The following DNAH9 variants were observed in gnomAD, a reference collection of about 807,000 sequenced individuals.
DNAH9 encodes DNAH9 variant protein.
A neutral mutation model predicts 471.6 loss-of-function variants in DNAH9; 345 were observed. That is an observed-to-expected ratio of 0.73 (90% CI 0.67 to 0.80). DNAH9 has a LOEUF of 0.80. DNAH9 is among the 30% of genes least tolerant of loss of function. The pLI is 0.00. For synonymous variants in DNAH9, 2,093 were observed against 2,123.6 expected, an observed-to-expected ratio of 0.99 and a Z score of 0.40; for missense variants, 5,407 against 5,609.2, an observed-to-expected ratio of 0.96 and a Z score of 1.15.
In DNAH9 at chr17:11,846,807, T is replaced by C. The variant is rs1328642231; in HGVS notation, c.9508-7196T>C. Among the ~76,000 whole-genome samples the C allele has an allele frequency of 6.5e-5, 9 of 139,476 alleles. No homozygotes were observed. The Admixed American group carries it at 6.7e-4, about 10-fold the overall frequency. The allele number at this position is 139,476 out of a possible 152,430, so 91.5% of individuals were successfully genotyped here. On this transcript the variant is annotated intron_variant, in intron 49 of 68. Coordinates refer to ENST00000262442, the MANE Select transcript of DNAH9 (RefSeq NM_001372.4). ...CACTCATGATTTGGCTCTCTGTTTG[T>C]CTGTTATTGGTGTATAAGAATGCTT...
rs2072304435 is a variant in DNAH9 at position 11,598,490 on chromosome 17, CCG to C, written c.-2_-1del. 10 of 1,365,248 alleles carry C rather than the reference CCG, an allele frequency of 7.3e-6. No homozygotes were observed. Among genetic ancestry groups the C allele is most frequent in the Admixed American group, 3.9e-5 (1 of 25,364 alleles). The allele number at this position is 1,365,248 out of a possible 1,614,324, so 84.6% of individuals were successfully genotyped here. A position where few individuals can be genotyped will look rare whatever the true frequency, so the allele number is the denominator to read the frequency against. On this transcript the variant is annotated 5_prime_UTR_variant, in exon 1 of 69. Transcript: ENST00000262442. ...CTAGGGAAACCGATGCAGCTGGAGGCCGCGCGCGATGCGGCTCGCGGAGGAGC... is the reference window on the plus strand; with the variant it reads ...CTAGGGAAACCGATGCAGCTGGAGGCCGCGCGATGCGGCTCGCGGAGGAGC...
intron 19 of DNAH9, among the ~76,000 whole-genome samples, chr17:11,685,728 T>A (rs906731321): frequency 6.6e-6 from 1 of 152,140 alleles, no homozygotes; most frequent in Non-Finnish European, 1.5e-5. Flanking sequence ...GAAGAGCTTT[T>A]ATCCCACTGT....
In DNAH9 at chr17:11,670,675, C is replaced by T. The variant is rs545940817; in HGVS notation, c.3353+881C>T. Among the ~76,000 whole-genome samples the T allele has an allele frequency of 1.3e-4, 20 of 151,840 alleles. No individual in the cohort carries two copies. In the South Asian group the frequency reaches 4.2e-3, roughly 32 times the overall value. ...ATTTTCCAAGGGTAATGTTCAACCACCCTAGGAAACCCCAAGAACGCTTTG... is the reference window on the plus strand; with the variant it reads ...ATTTTCCAAGGGTAATGTTCAACCATCCTAGGAAACCCCAAGAACGCTTTG... On this transcript the variant is annotated intron_variant, in intron 17 of 68. Coordinates refer to ENST00000262442, the MANE Select transcript of DNAH9 (RefSeq NM_001372.4).
At chr17:11,715,264 A>G (rs1234835592) in intron 26 of DNAH9, among the ~76,000 whole-genome samples, 1 of 152,196 alleles carries the variant, frequency 6.6e-6, no homozygotes, top group East Asian at 1.9e-4. Context: ...TCGGTTTCCT[A>G]CTTTTCAAGG....
At position 11,704,277 on chromosome 17, in the gene DNAH9, T is replaced by C. The variant is rs756762985; in HGVS notation, c.5226T>C (p.Tyr1742=). 6.2e-7 allele frequency: 1 copy of C among 1,614,152 alleles called. No individual in the cohort carries two copies. The highest frequency in any genetic ancestry group is 1.1e-5 in the South Asian group (1 of 91,084). ...CATTTGCCAGGCTGGAGGAAGGCTA[T>C]GAGAGTGCCATGAAGGACTATTATA... is the stretch of plus-strand genomic sequence containing the variant. ...GMAFARLEEG[Y]ESAMKDYYKK... The change falls in exon 25 of 69, where the codon TAT becomes TAC. Residue 1742 remains tyrosine (Y), a synonymous_variant. Coordinates refer to ENST00000262442, the MANE Select transcript of DNAH9 (RefSeq NM_001372.4).
At chr17:11,823,153 A>G in intron 48 of DNAH9, 119 bp downstream of exon 48, 2 of 832,802 alleles carry the variant, frequency 2.4e-6, no homozygotes, top group South Asian at 3.6e-5. Flanking sequence ...TTTTCCAGAG[A>G]CTCCCATGTC....
intron 32 of DNAH9, among the ~76,000 whole-genome samples, chr17:11,748,845 C>T (rs1567771995): frequency 2.0e-5 from 3 of 152,116 alleles, no homozygotes; most frequent in Admixed American, 6.5e-5. Context: ...ATCTCAGCTC[C>T]TTCCTGATGT....
chr17:11,743,275 A>T (rs1567766586), intron 30 of DNAH9, among the ~76,000 whole-genome samples: 1 of 152,190 alleles, frequency 6.6e-6, no homozygotes. Context: ...ATTTTAAATG[A>T]ACCCTTAATG....
chr17:11,838,404 A>C (rs917309565), intron 49 of DNAH9, among the ~76,000 whole-genome samples: 4 of 152,206 alleles, frequency 2.6e-5, no homozygotes, highest in African/African-American at 7.2e-5. Flanking sequence ...TAAAAATTAA[A>C]AAATTTCAGT....
At chr17:11,861,042 A>C (rs1401774050) in intron 50 of DNAH9, among the ~76,000 whole-genome samples, 1 of 76,576 alleles carries the variant, frequency 1.3e-5, no homozygotes, top group African/African-American at 4.8e-5. Flanking sequence ...TTTTTTTTTT[A>C]TACTTTAAGT....
At chr17:11,702,057 C>A (rs2074610774) in intron 24 of DNAH9, among the ~76,000 whole-genome samples, 1 of 152,170 alleles carries the variant, frequency 6.6e-6, no homozygotes, top group South Asian at 2.1e-4. Context: ...TGGGGACACG[C>A]CCCTGAGCAT....
intron 50 of DNAH9, 128 bp downstream of exon 50, chr17:11,854,556 A>C (rs1283960872): frequency 8.1e-7 from 1 of 1,228,106 alleles, no homozygotes. Context: ...TTCATGCAAA[A>C]TCTCATTTTT....
intron 44 of DNAH9, among the ~76,000 whole-genome samples, 164 bp from the exon 45 acceptor site, chr17:11,810,082 T>C (rs1491002199): frequency 6.6e-6 from 1 of 152,150 alleles, no homozygotes; most frequent in Non-Finnish European, 1.5e-5. Context: ...CATAGTTTCC[T>C]GCCTGTCAGT....
chr17:11,732,652 A>T (rs2075287719), intron 28 of DNAH9, among the ~76,000 whole-genome samples: 1 of 151,536 alleles, frequency 6.6e-6, no homozygotes, highest in South Asian at 2.1e-4. Context: ...ATTCCAAAAA[A>T]AAATTACTCT....
intron 17 of DNAH9, among the ~76,000 whole-genome samples, chr17:11,672,309 A>G (rs1011119735): frequency 3.9e-5 from 6 of 152,180 alleles, no homozygotes; most frequent in Admixed American, 2.0e-4. Flanking sequence ...ACAGCAGCAA[A>G]TGCCCACTGT....
chr17:11,599,564 G>A (rs2072340405), intron 1 of DNAH9, among the ~76,000 whole-genome samples: 1 of 152,220 alleles, frequency 6.6e-6, no homozygotes, highest in Admixed American at 6.5e-5. Context: ...GCCTTTGGAG[G>A]AGTCTGCCTG....
intron 11 of DNAH9, among the ~76,000 whole-genome samples, 154 bp from the exon 12 acceptor site, chr17:11,646,918 A>G (rs1191929196): frequency 6.7e-6 from 1 of 150,362 alleles, no homozygotes; most frequent in Non-Finnish European, 1.5e-5. Flanking sequence ...TGTCTCAAAA[A>G]GAAAGAAAGA....
Position 11,867,114 on chromosome 17 carries a change from G to A in DNAH9, c.9934-2020G>A, listed in dbSNP as rs189908643. On this transcript the variant is annotated intron_variant, in intron 50 of 68. Coordinates refer to ENST00000262442, the MANE Select transcript of DNAH9 (RefSeq NM_001372.4). ...GCAGAAATCACCCGTCTTCTGCGTC[G>A]CTAACGCTGGGAGCTGGAGACCAGA... Among the ~76,000 whole-genome samples the A allele has an allele frequency of 1.9e-3, 287 of 152,310 alleles. 3 individuals are homozygous for A. Among genetic ancestry groups the A allele is most frequent in the Non-Finnish European group, 2.9e-3 (196 of 68,038 alleles).
At chr17:11,645,522 C>T (rs2073364704) in intron 11 of DNAH9, among the ~76,000 whole-genome samples, 1 of 152,204 alleles carries the variant, frequency 6.6e-6, no homozygotes, top group Non-Finnish European at 1.5e-5. Flanking sequence ...TCACCATAGC[C>T]ACCACCAGCT....
Sources: gnomAD v4.1 joint callset for allele counts (sites outside exome capture counted in the v4.1 genomes callset) on GRCh38, gnomAD v4.1.1 for gene constraint, MANE v1.5 for transcripts, NCBI Gene and HGNC (gene_info 2026-07-23, HGNC 2026-07-21) for gene names.